Variants in JMY observed in about 807,000 individuals in gnomAD.
JMY encodes the protein junction-mediating and -regulatory protein.
A neutral mutation model predicts 103.3 loss-of-function variants in JMY; 46 were observed. That is an observed-to-expected ratio of 0.45 (90% CI 0.35 to 0.57). The LOEUF is 0.57. Ranked by LOEUF, JMY falls within the 20% of genes least tolerant of loss-of-function variation. The pLI, the probability that JMY is intolerant of heterozygous loss-of-function variation, is 0.00. For missense variants in JMY, 1,238 were observed against 1,255.2 expected (o/e 0.99, Z 0.21); for synonymous variants, 526 against 489.3 (o/e 1.07, Z -0.99).
At chr5:79,249,930 A>G (rs928269193) in intron 1 of JMY, among the ~76,000 whole-genome samples, 2 of 152,144 alleles carry the variant, frequency 1.3e-5, no homozygotes, top group East Asian at 3.9e-4. Flanking sequence ...GTAGTAACTG[A>G]GCTTTCTGCC....
rs1744534692 is a variant in JMY at position 79,237,041 on chromosome 5, C to T, written c.391C>T (p.Pro131Ser). Residue 131 changes from proline to serine, a missense_variant, in exon 1 of 11, where the codon CCT (proline) becomes TCT (serine). By Grantham distance (74) the Pro-to-Ser change is moderately conservative (BLOSUM62 -1). Transcript: ENST00000396137. ...TCTGGGGGACCCGCGGCTGCGGAGTCCTGGCAGCAAAGGGGCGGAGAGTCG... is the reference window on the plus strand; with the variant it reads ...TCTGGGGGACCCGCGGCTGCGGAGTTCTGGCAGCAAAGGGGCGGAGAGTCG... ...SLLGDPRLRSPGSKGAESRLR... is the reference protein window; with the variant it reads ...SLLGDPRLRSSGSKGAESRLR... 3 of 1,517,922 alleles carry T rather than the reference C, an allele frequency of 2.0e-6. No homozygotes were observed. The highest frequency in any genetic ancestry group is 2.8e-5 in the African/African-American group (2 of 71,996). The allele number at this position is 1,517,922 out of a possible 1,614,324, so 94.0% of individuals were successfully genotyped here. A position where few individuals can be genotyped will look rare whatever the true frequency, so the allele number is the denominator to read the frequency against.
chr5:79,244,387 T>C (rs1051355604), intron 1 of JMY, among the ~76,000 whole-genome samples: 2 of 152,208 alleles, frequency 1.3e-5, no homozygotes, highest in East Asian at 3.9e-4. Context: ...GATATTATTA[T>C]AAGGGAGTGT....
chr5:79,252,255 T>C (rs1416290669), intron 1 of JMY, among the ~76,000 whole-genome samples: 1 of 152,156 alleles, frequency 6.6e-6, no homozygotes, highest in Non-Finnish European at 1.5e-5. Context: ...AATTTCCATG[T>C]ATTTGTATAG....
intron 9 of JMY, among the ~76,000 whole-genome samples, chr5:79,315,321 C>CA (rs1327665996): frequency 6.6e-6 from 1 of 152,120 alleles, no homozygotes; most frequent in African/African-American, 2.4e-5. Context: ...GTTCAACTTA[C>CA]AATGTGACAG....
chr5:79,280,036 G>T (rs149071267), intron 2 of JMY, among the ~76,000 whole-genome samples: 97 of 152,158 alleles, frequency 6.4e-4, no homozygotes, highest in East Asian at 2.3e-3. Flanking sequence ...TTGTGCGGAG[G>T]TCTCCATCTG....
chr5:79,238,924 A>G (rs1443982360), intron 1 of JMY, among the ~76,000 whole-genome samples: 2 of 152,026 alleles, frequency 1.3e-5, no homozygotes, highest in African/African-American at 4.8e-5. Flanking sequence ...CGGCCTCCCA[A>G]AGTGCTGGGA....
intron 1 of JMY, among the ~76,000 whole-genome samples, chr5:79,250,153 T>A (rs1404246160): frequency 3.9e-5 from 6 of 152,184 alleles, no homozygotes; most frequent in African/African-American, 1.4e-4. Flanking sequence ...AACTTGTTTG[T>A]ACTAAAAACC....
intron 10 of JMY, among the ~76,000 whole-genome samples, chr5:79,318,759 TATAGAGAG>T (rs1416688746): frequency 1.2e-3 from 25 of 20,566 alleles, no homozygotes; most frequent in East Asian, 3.7e-3. Context: ...TATATATATA[TATAGAGAG>T]AGAGAGAGAG....
intron 1 of JMY, among the ~76,000 whole-genome samples, chr5:79,265,780 C>CTTTT (rs34354467): frequency 4.7e-4 from 55 of 116,190 alleles, no homozygotes; most frequent in African/African-American, 1.6e-3. Context: ...TGTGATGATT[C>CTTTT]TTTTTTTTTT....
chr5:79,242,093 A>C (rs901880945), intron 1 of JMY, among the ~76,000 whole-genome samples: 7 of 152,194 alleles, frequency 4.6e-5, no homozygotes, highest in Admixed American at 4.6e-4. Flanking sequence ...ATCAGTGTTC[A>C]TTTTGGAATT....
chr5:79,314,557 T>C lies in JMY; in HGVS notation c.2365T>C (p.Leu789=), dbSNP rs761441978. The change falls in exon 9 of 11, where the codon TTG becomes CTG. Residue 789 remains leucine (L), a synonymous_variant. Coordinates refer to ENST00000396137, the MANE Select transcript of JMY (RefSeq NM_152405.5). ...ELPPTISLPL[L]NNNLEPCSVT... ...GCCTCCCACTATATCTCTTCCACTT[T>C]TGAATAACAACCTCGAACCATGTTC... 10 of 1,614,024 alleles carry C rather than the reference T, an allele frequency of 6.2e-6. No homozygotes were observed. The Admixed American group carries it at 1.2e-4, about 19-fold the overall frequency.
At chr5:79,252,045 G>A (rs1266430430) in intron 1 of JMY, among the ~76,000 whole-genome samples, 1 of 152,006 alleles carries the variant, frequency 6.6e-6, no homozygotes, top group Admixed American at 6.6e-5. Flanking sequence ...CAAAGTGCTG[G>A]GATTACAGGC....
chr5:79,266,705 C>T (rs1311652083), intron 1 of JMY, among the ~76,000 whole-genome samples: 1 of 152,024 alleles, frequency 6.6e-6, no homozygotes, highest in Non-Finnish European at 1.5e-5. Flanking sequence ...TTTTTGTATC[C>T]ATTAACCAAC....
At chr5:79,263,714 T>A (rs1046225602) in intron 1 of JMY, among the ~76,000 whole-genome samples, 30 of 151,996 alleles carry the variant, frequency 2.0e-4, no homozygotes, top group African/African-American at 7.3e-4. Context: ...TGCCTTTTTG[T>A]CTAGGCTGGA....
intron 10 of JMY, among the ~76,000 whole-genome samples, chr5:79,318,199 G>A (rs1354491295): frequency 6.8e-6 from 1 of 147,826 alleles, no homozygotes; most frequent in East Asian, 2.0e-4. Flanking sequence ...ATTTTTAGTA[G>A]AGATAGGGTT....
chr5:79,252,513 C>T (rs896226528), intron 1 of JMY, among the ~76,000 whole-genome samples: 4 of 152,090 alleles, frequency 2.6e-5, no homozygotes, highest in African/African-American at 9.6e-5. Context: ...TCCAGTGTTT[C>T]TTTGTTGATT....
intron 1 of JMY, among the ~76,000 whole-genome samples, chr5:79,261,223 C>T (rs7717922): frequency 6.6e-6 from 1 of 152,010 alleles, no homozygotes; most frequent in African/African-American, 2.4e-5. Flanking sequence ...GATCTTTACC[C>T]TGAGGTTTTT....
At position 79,291,174 on chromosome 5, in the gene JMY, G is replaced by A; in HGVS notation, c.1402G>A (p.Ala468Thr). ...MRADQKKFGK[A>T]SWAAAAERME... ...AGCTGATCAGAAGAAATTTGGTAAAGCATCATGGGCAGCGGCTGCTGAACG... is the reference window on the plus strand; with the variant it reads ...AGCTGATCAGAAGAAATTTGGTAAAACATCATGGGCAGCGGCTGCTGAACG... The change falls in exon 4 of 11, where the codon GCA becomes ACA. Residue 468 changes from alanine (A) to threonine (T), a missense_variant. By Grantham distance (58) the Ala-to-Thr change is moderately conservative. Coordinates refer to ENST00000396137, the MANE Select transcript of JMY (RefSeq NM_152405.5). The A allele has an allele frequency of 6.2e-7, 1 of 1,611,496 alleles. No individual in the cohort carries two copies. Among genetic ancestry groups the A allele is most frequent in the Non-Finnish European group, 8.5e-7 (1 of 1,179,252 alleles).
chr5:79,314,987 A>C, intron 9 of JMY, 136 bp downstream of exon 9: 1 of 757,254 alleles, frequency 1.3e-6, no homozygotes, highest in Non-Finnish European at 2.1e-6. Context: ...TCAAAGTCAC[A>C]CTAGAGGAGA....
Sources: gnomAD v4.1 joint callset for allele counts (sites outside exome capture counted in the v4.1 genomes callset) on GRCh38, gnomAD v4.1.1 for gene constraint, MANE v1.5 for transcripts, NCBI Gene and HGNC (gene_info 2026-07-23, HGNC 2026-07-21) for gene names.